DMD: variants seen among roughly 807,000 people sequenced by gnomAD.
The protein encoded by DMD is mutant dystrophin.
DMD carries 63 observed loss-of-function variants against 330.1 expected under a neutral mutation model. The observed-to-expected ratio is 0.19, with a 90% CI of 0.16 to 0.24. The LOEUF (loss-of-function observed/expected upper bound fraction) is 0.24, where lower values mean the gene tolerates loss of function less well. Among genes scored for constraint, DMD ranks in the 10% least tolerant of loss-of-function variants. The probability of loss-of-function intolerance (pLI) is 1.00; values close to 1 mark genes in which losing one functional copy is unlikely to be tolerated. For synonymous variants in DMD, 1,223 were observed against 959.8 expected, an observed-to-expected ratio of 1.27 and a Z score of -5.07; for missense variants, 3,344 against 2,684.1, an observed-to-expected ratio of 1.25 and a Z score of -5.43.
intron 33 of DMD, 88 bp downstream of exon 33, chrX:32,386,222 A>T: frequency 9.6e-7 from 1 of 1,044,386 alleles, no homozygotes; most frequent in East Asian, 3.1e-5. Flanking sequence ...AATTGCTAAG[A>T]CTCTAATCAT....
At chrX:32,685,863 T>C (rs1269572631) in intron 9 of DMD, among the ~76,000 whole-genome samples, 7 of 112,050 alleles carry the variant, frequency 6.2e-5, no homozygotes, top group African/African-American at 1.9e-4. Context: ...AAAATGACTG[T>C]ATTTCTATTA....
chrX:31,266,985 G>T, intron 62 of DMD: 1 of 866,505 alleles, frequency 1.2e-6, no homozygotes, highest in East Asian at 3.9e-5. Context: ...GCCGGGGAGG[G>T]GGCGCTGCGG....
At chrX:32,820,395 T>C (rs2078139661) in intron 5 of DMD, among the ~76,000 whole-genome samples, 1 of 110,979 alleles carries the variant, frequency 9.0e-6, no homozygotes, top group Admixed American at 9.6e-5. Context: ...TGAGCAGAGA[T>C]CGCGCCACTG....
At chrX:32,453,995 A>G (rs760019449) in intron 26 of DMD, among the ~76,000 whole-genome samples, 3 of 111,110 alleles carry the variant, frequency 2.7e-5, no homozygotes, top group Non-Finnish European at 5.7e-5. Flanking sequence ...CAAGTGAGGA[A>G]GTATGATGAT....
intron 1 of DMD, among the ~76,000 whole-genome samples, chrX:33,249,362 G>A (rs888576461): frequency 2.7e-5 from 3 of 111,245 alleles, no homozygotes; most frequent in African/African-American, 9.8e-5. Context: ...CGTTGGCCAG[G>A]CTGGTCTCGA....
intron 62 of DMD, among the ~76,000 whole-genome samples, chrX:31,293,652 T>C (rs745582919): frequency 1.2e-4 from 13 of 112,076 alleles, no homozygotes; most frequent in African/African-American, 4.2e-4. Flanking sequence ...TTCTGTATTA[T>C]ATGGAGATAA....
intron 44 of DMD, among the ~76,000 whole-genome samples, chrX:32,130,681 A>G (rs1179122889): frequency 9.0e-6 from 1 of 111,234 alleles, no homozygotes; most frequent in Non-Finnish European, 1.9e-5. Flanking sequence ...TGACTATGCA[A>G]TTGCACGCTT....
intron 12 of DMD, 109 bp from the exon 13 acceptor site, chrX:32,595,985 C>A (rs1215149296): frequency 2.7e-6 from 2 of 742,630 alleles, no homozygotes; most frequent in Admixed American, 5.2e-5. Context: ...TCAGGTACTC[C>A]CATTTTTTAT....
chrX:31,406,352 T>C (rs1188651744), intron 60 of DMD, among the ~76,000 whole-genome samples: 1 of 111,237 alleles, frequency 9.0e-6, no homozygotes, highest in African/African-American at 3.3e-5. Flanking sequence ...TGTTTACCTA[T>C]GTAACAAACC....
intron 7 of DMD, among the ~76,000 whole-genome samples, chrX:32,731,580 G>A (rs181655870): frequency 2.8e-4 from 32 of 112,457 alleles, no homozygotes; most frequent in African/African-American, 7.4e-4. Flanking sequence ...GGGGCAGACT[G>A]CCTCCTCAAG....
intron 7 of DMD, among the ~76,000 whole-genome samples, chrX:32,709,036 A>T (rs750592517): frequency 2.7e-5 from 3 of 112,240 alleles, no homozygotes; most frequent in Non-Finnish European, 5.6e-5. Context: ...AAACACACCC[A>T]ATCAAGAAGT....
At position 32,849,836 on chromosome X, in the gene DMD, A is replaced by G; in HGVS notation, c.94-16T>C. ...GCTTCCCAAACTGAAATTAAAAAAA[A>G]TACACTCAATTTAACAAAGCACACT... On this transcript the variant is annotated splice_polypyrimidine_tract_variant and intron_variant, in intron 2 of 78. Coordinates refer to ENST00000357033, the MANE Select transcript of DMD (RefSeq NM_004006.3). 9.1e-7 allele frequency: 1 copy of G among 1,094,565 alleles called. No individual in the cohort carries two copies. Among genetic ancestry groups the G allele is most frequent in the Non-Finnish European group, 1.3e-6 (1 of 788,898 alleles). The allele number at this position is 1,094,565 out of a possible 1,213,427, so 90.2% of individuals were successfully genotyped here.
intron 17 of DMD, among the ~76,000 whole-genome samples, chrX:32,527,742 G>A (rs923206501): frequency 9.0e-6 from 1 of 110,662 alleles, no homozygotes. Context: ...TTATATTTTT[G>A]GAATTACAGA....
chrX:32,773,311 G>A (rs938927993), intron 7 of DMD, among the ~76,000 whole-genome samples: 1 of 111,186 alleles, frequency 9.0e-6, no homozygotes. Flanking sequence ...CATTTGGGGT[G>A]CATGGGATAT....
intron 41 of DMD, among the ~76,000 whole-genome samples, chrX:32,328,898 T>A (rs755637275): frequency 8.9e-6 from 1 of 111,781 alleles, no homozygotes; most frequent in African/African-American, 3.2e-5. Flanking sequence ...TGCTCTTTTT[T>A]TTCTTTTCCT....
intron 7 of DMD, among the ~76,000 whole-genome samples, chrX:32,773,901 T>C (rs1424516733): frequency 1.8e-5 from 2 of 111,947 alleles, no homozygotes; most frequent in Non-Finnish European, 3.8e-5. Flanking sequence ...TTAATTCCAT[T>C]TGAATTTCTG....
intron 13 of DMD, among the ~76,000 whole-genome samples, chrX:32,581,508 T>G (rs574193716): frequency 1.8e-5 from 2 of 112,037 alleles, no homozygotes; most frequent in African/African-American, 6.5e-5. Context: ...TAAATAGAAC[T>G]TTATCTAAAT....
chrX:32,886,716 T>C (rs1322733398), intron 2 of DMD, among the ~76,000 whole-genome samples: 1 of 111,356 alleles, frequency 9.0e-6, no homozygotes, highest in Non-Finnish European at 1.9e-5. Flanking sequence ...ACCTAATAAT[T>C]TCATGCGCTG....
At chrX:31,415,484 G>T (rs1416539494) in intron 60 of DMD, among the ~76,000 whole-genome samples, 1 of 111,800 alleles carries the variant, frequency 8.9e-6, no homozygotes, top group African/African-American at 3.2e-5. Context: ...GAGTCCAGAG[G>T]TAGGGTCAGG....
Sources: gnomAD v4.1 joint callset for allele counts (sites outside exome capture counted in the v4.1 genomes callset) on GRCh38, gnomAD v4.1.1 for gene constraint, MANE v1.5 for transcripts, NCBI Gene and HGNC (gene_info 2026-07-23, HGNC 2026-07-21) for gene names.